Variants in ANKHD1 observed in about 807,000 individuals in gnomAD.
The protein encoded by ANKHD1 is ankyrin repeat and KH domain containing 1, also known as ankyrin repeat and KH domain-containing protein 1.
In ANKHD1, 31 loss-of-function variants were observed where a neutral mutation model predicts 230.5. The observed-to-expected ratio is 0.13, with a 90% CI of 0.10 to 0.18. The LOEUF is 0.18. Ranked by LOEUF, ANKHD1 falls within the 10% of genes least tolerant of loss-of-function variation. ANKHD1 has a pLI of 1.00. For missense variants in ANKHD1, 2,256 were observed against 3,071.3 expected, an observed-to-expected ratio of 0.73 and a Z score of 6.27; for synonymous variants, 1,074 against 1,117.6, an observed-to-expected ratio of 0.96 and a Z score of 0.78.
At chr5:140,424,162 A>G (rs1241575081) in intron 1 of ANKHD1, among the ~76,000 whole-genome samples, 1 of 152,112 alleles carries the variant, frequency 6.6e-6, no homozygotes, top group Non-Finnish European at 1.5e-5. Context: ...ATACCCTGGT[A>G]TATATACTTC....
intron 11 of ANKHD1, chr5:140,484,664 T>C (rs1751428323): frequency 6.5e-6 from 1 of 152,836 alleles, no homozygotes; most frequent in South Asian, 2.1e-4. Flanking sequence ...TGTATATATT[T>C]ATTAATCTTA....
chr5:140,486,012 G>T, intron 13 of ANKHD1: 1 of 332,364 alleles, frequency 3.0e-6, no homozygotes, highest in Non-Finnish European at 5.3e-6. Context: ...AGGTTTTTCA[G>T]GGTTTTTTAT....
At chr5:140,482,451 G>A in intron 10 of ANKHD1, 129 bp from the exon 11 acceptor site, 1 of 937,676 alleles carries the variant, frequency 1.1e-6, no homozygotes, top group Middle Eastern at 3.5e-4. Context: ...ATTGAGGTAG[G>A]TGGTATAAAG....
At chr5:140,468,476 T>C (rs1461689460) in intron 10 of ANKHD1, among the ~76,000 whole-genome samples, 2 of 152,144 alleles carry the variant, frequency 1.3e-5, no homozygotes, top group Non-Finnish European at 2.9e-5. Context: ...TAGTTCTTCT[T>C]CCTGGAACTT....
chr5:140,505,097 T>A, intron 16 of ANKHD1, 25 bp from the exon 17 acceptor site: 2 of 1,604,924 alleles, frequency 1.2e-6, no homozygotes, highest in East Asian at 4.5e-5. Context: ...AAAAAAAATT[T>A]TAACTTATTT....
At chr5:140,415,377 G>A (rs895807873) in intron 1 of ANKHD1, among the ~76,000 whole-genome samples, 4 of 146,962 alleles carry the variant, frequency 2.7e-5, no homozygotes, top group African/African-American at 1.0e-4. Flanking sequence ...GCGAGACTTC[G>A]TCTTAAGAAA....
At chr5:140,522,937 T>C (rs1753418267) in intron 24 of ANKHD1, among the ~76,000 whole-genome samples, 1 of 152,162 alleles carries the variant, frequency 6.6e-6, no homozygotes. Context: ...AACATCTATC[T>C]TTCTCTGTGC....
At position 140,439,654 on chromosome 5, in the gene ANKHD1, A is replaced by G. The variant is rs530307923; in HGVS notation, c.618-465A>G. On this transcript the variant is annotated intron_variant, in intron 3 of 33. Coordinates refer to ENST00000360839, the MANE Select transcript of ANKHD1 (RefSeq NM_017747.3). ...CACTGCATTCCAGCCTGGGCAACAG[A>G]GTGAGACTCTGTCTCAAAACCAAAA... 1.1e-3 allele frequency among the ~76,000 whole-genome samples: 174 copies of G among 152,266 alleles called. 1 individual carries two copies. Among genetic ancestry groups the G allele is most frequent in the African/African-American group, 4.0e-3 (168 of 41,564 alleles).
At chr5:140,437,571 C>T (rs1429467710) in intron 2 of ANKHD1, among the ~76,000 whole-genome samples, 2 of 152,030 alleles carry the variant, frequency 1.3e-5, no homozygotes, top group Non-Finnish European at 2.9e-5. Flanking sequence ...CTGGGCGTGG[C>T]GGCGCACCCC....
chr5:140,488,557 G>T (rs1751612170), intron 14 of ANKHD1, among the ~76,000 whole-genome samples: 1 of 149,764 alleles, frequency 6.7e-6, no homozygotes, highest in African/African-American at 2.5e-5. Flanking sequence ...TTGCATTCCA[G>T]CCTGGGCGAC....
intron 24 of ANKHD1, among the ~76,000 whole-genome samples, chr5:140,513,920 T>C (rs1252474084): frequency 6.8e-6 from 1 of 147,306 alleles, no homozygotes; most frequent in African/African-American, 2.5e-5. Flanking sequence ...TTGGTCAACA[T>C]AGAGAGGATG....
chr5:140,530,115 T>TCC (rs1282096760), intron 29 of ANKHD1, among the ~76,000 whole-genome samples: 1 of 152,182 alleles, frequency 6.6e-6, no homozygotes, highest in Non-Finnish European at 1.5e-5. Flanking sequence ...GCAAAGGTGT[T>TCC]TAGGCACAAG....
At chr5:140,518,422 T>A (rs534599507) in intron 24 of ANKHD1, among the ~76,000 whole-genome samples, 4 of 151,932 alleles carry the variant, frequency 2.6e-5, no homozygotes, top group African/African-American at 9.7e-5. Context: ...GAGGGAATCC[T>A]CCCTAACTCA....
At chr5:140,500,552 G>A (rs1489167940) in intron 15 of ANKHD1, among the ~76,000 whole-genome samples, 1 of 149,672 alleles carries the variant, frequency 6.7e-6, no homozygotes, top group Non-Finnish European at 1.5e-5. Context: ...GGGGGCTGAG[G>A]CAGGAGAATC....
chr5:140,509,577 T>G, intron 20 of ANKHD1, 60 bp from the exon 21 acceptor site: 1 of 1,435,242 alleles, frequency 7.0e-7, no homozygotes, highest in Non-Finnish European at 9.2e-7. Context: ...TTAGTTTTGG[T>G]CTACGGAATA....
intron 10 of ANKHD1, among the ~76,000 whole-genome samples, chr5:140,480,648 C>T (rs2127011522): frequency 6.6e-6 from 1 of 152,198 alleles, no homozygotes; most frequent in East Asian, 1.9e-4. Context: ...GGCTTAACTA[C>T]TACTCTTAAT....
intron 1 of ANKHD1, among the ~76,000 whole-genome samples, chr5:140,404,626 G>A (rs934482741): frequency 2.0e-5 from 3 of 151,664 alleles, no homozygotes; most frequent in African/African-American, 7.3e-5. Flanking sequence ...GTAGAGACGA[G>A]GTTTTACCAT....
intron 29 of ANKHD1, chr5:140,531,446 T>C (rs1224299573): frequency 3.8e-6 from 1 of 262,746 alleles, no homozygotes. Context: ...CCAGGCATGA[T>C]GGTGCAGGTC....
intron 24 of ANKHD1, among the ~76,000 whole-genome samples, chr5:140,520,811 G>A (rs1753312000): frequency 6.7e-6 from 1 of 148,672 alleles, no homozygotes; most frequent in Non-Finnish European, 1.5e-5. Context: ...GGATAGCATT[G>A]GGAGATATAC....
Sources: allele counts gnomAD v4.1 joint callset (sites outside exome capture counted in the v4.1 genomes callset), GRCh38; gene constraint gnomAD v4.1.1; transcripts MANE v1.5; gene names NCBI Gene and HGNC (gene_info 2026-07-23, HGNC 2026-07-21).